TBC1D4: variants seen among roughly 807,000 people sequenced by gnomAD.
TBC1D4 encodes the protein TBC (Tre-2, BUB2, CDC16) domain-containing protein.
A neutral mutation model predicts 142.5 loss-of-function variants in TBC1D4; 121 were observed. The observed-to-expected ratio is 0.85, with a 90% confidence interval of 0.73 to 0.99. TBC1D4 has a LOEUF of 0.99. TBC1D4 is among the 50% of genes least tolerant of loss of function. TBC1D4 has a pLI of 0.00. For missense variants in TBC1D4, 1,475 were observed against 1,606.6 expected (o/e 0.92, Z 1.40); for synonymous variants, 630 against 628.2 (o/e 1.00, Z -0.04).
intron 1 of TBC1D4, among the ~76,000 whole-genome samples, chr13:75,396,196 C>A (rs886850943): frequency 6.6e-6 from 1 of 152,212 alleles, no homozygotes. Flanking sequence ...ATCAGTCGGC[C>A]TCCCAGACAG....
intron 1 of TBC1D4, among the ~76,000 whole-genome samples, chr13:75,376,245 G>C (rs925806352): frequency 6.6e-5 from 10 of 152,136 alleles, no homozygotes; most frequent in African/African-American, 2.4e-4. Context: ...TTCAAAGACT[G>C]TCACAGGACT....
At chr13:75,479,049 G>A (rs747564998) in intron 1 of TBC1D4, among the ~76,000 whole-genome samples, 6 of 152,266 alleles carry the variant, frequency 3.9e-5, no homozygotes, top group Admixed American at 6.5e-5. Context: ...CTCTAGCAAC[G>A]CTAGACTTGC....
At chr13:75,370,705 T>C (rs950375712) in intron 1 of TBC1D4, among the ~76,000 whole-genome samples, 1 of 152,232 alleles carries the variant, frequency 6.6e-6, no homozygotes, top group East Asian at 1.9e-4. Flanking sequence ...TTTGGACACA[T>C]TAATTTTGAG....
chr13:75,362,727 GAC>G lies in TBC1D4; in HGVS notation c.499-122_499-121del. ...ATCCTAAATAATATACAAAGTAATA[GAC>G]ACTACACGAGACAGAGCATACACTT... On this transcript the variant is annotated intron_variant, in intron 1 of 20. Coordinates refer to ENST00000377636, the MANE Select transcript of TBC1D4 (RefSeq NM_014832.5). This position sits in a 1 kb window ranked among gnomAD's most constrained non-coding sequence, Gnocchi z 4.2. The G allele has an allele frequency of 9.8e-7, 1 of 1,022,814 alleles. No individual in the cohort carries two copies. The highest frequency in any genetic ancestry group is 1.5e-6 in the Non-Finnish European group (1 of 684,632). The allele number at this position is 1,022,814 out of a possible 1,614,324, so 63.4% of individuals were successfully genotyped here. A position where few individuals can be genotyped will look rare whatever the true frequency, so the allele number is the denominator to read the frequency against.
Position 75,306,482 on chromosome 13 carries a change from A to G in TBC1D4, c.2594-11T>C. ...GTTCATCTCTGCTTGCTAAGGAAAA[A>G]AACAATTTACGTAAGACCAATGTGT... On this transcript the variant is annotated splice_polypyrimidine_tract_variant and intron_variant, in intron 14 of 20. Coordinates refer to ENST00000377636, the MANE Select transcript of TBC1D4 (RefSeq NM_014832.5). 1.2e-6 allele frequency: 2 copies of G among 1,612,644 alleles called. No individual in the cohort carries two copies. Among genetic ancestry groups the G allele is most frequent in the East Asian group, 2.2e-5 (1 of 44,758 alleles).
At position 75,447,324 on chromosome 13, in the gene TBC1D4, C is replaced by T. The variant is rs193165007; in HGVS notation, c.498+33946G>A. ...TTTGCAGTGCAACTAGCAGTTTATGCGAGTTCCAGTTTCATTACATACTTG... is the reference window on the plus strand; with the variant it reads ...TTTGCAGTGCAACTAGCAGTTTATGTGAGTTCCAGTTTCATTACATACTTG... On this transcript the variant is annotated intron_variant, in intron 1 of 20. Coordinates refer to ENST00000377636, the MANE Select transcript of TBC1D4 (RefSeq NM_014832.5). 7.9e-5 allele frequency among the ~76,000 whole-genome samples: 12 copies of T among 152,188 alleles called. No homozygotes were observed. The East Asian group carries it at 1.4e-3, about 17-fold the overall frequency.
Position 75,481,821 on chromosome 13 carries a change from C to CA in TBC1D4, c.-55dup, listed in dbSNP as rs1888904161. The CA allele has an allele frequency of 3.5e-6, 5 of 1,429,822 alleles. No individual in the cohort carries two copies. The highest frequency in any genetic ancestry group is 4.5e-6 in the Non-Finnish European group (5 of 1,101,168). The allele number at this position is 1,429,822 out of a possible 1,614,324, so 88.6% of individuals were successfully genotyped here. On this transcript the variant is annotated 5_prime_UTR_variant, in exon 1 of 21. Transcript: ENST00000377636. ...GGCCGGCCGGGCGCACCGCGCCCCCCACTCCCGCGCAGAAGGCGCCGCCGA... is the reference window on the plus strand; with the variant it reads ...GGCCGGCCGGGCGCACCGCGCCCCCCAACTCCCGCGCAGAAGGCGCCGCCGA...
At chr13:75,289,716 G>A (rs1392951314) in intron 19 of TBC1D4, among the ~76,000 whole-genome samples, 5 of 152,112 alleles carry the variant, frequency 3.3e-5, no homozygotes, top group African/African-American at 4.8e-5. Flanking sequence ...TGCACACTGT[G>A]AGCACTGTCC....
chr13:75,446,085 A>G (rs898708481), intron 1 of TBC1D4, among the ~76,000 whole-genome samples: 3 of 152,232 alleles, frequency 2.0e-5, no homozygotes, highest in Non-Finnish European at 4.4e-5. Context: ...ATACTGGAAC[A>G]TAAGTAGTAG....
intron 4 of TBC1D4, among the ~76,000 whole-genome samples, chr13:75,351,399 T>C (rs1357438089): frequency 3.3e-5 from 5 of 152,046 alleles, no homozygotes; most frequent in East Asian, 3.9e-4. Context: ...TATATACTTA[T>C]TGTAAAAATC....
rs923837098 is a variant in TBC1D4, at chr13:75,284,084, C to G, written c.*2708G>C. ...AGTAGCTGAGATTACAGATGCACAC[C>G]ACCACGCCTGGCTAATTTTTGTATT... On this transcript the variant is annotated 3_prime_UTR_variant, in exon 21 of 21. Coordinates refer to ENST00000377636, the MANE Select transcript of TBC1D4 (RefSeq NM_014832.5). 1.3e-5 allele frequency among the ~76,000 whole-genome samples: 2 copies of G among 151,964 alleles called. No individual in the cohort carries two copies. The highest frequency in any genetic ancestry group is 6.6e-5 in the Admixed American group (1 of 15,236).
intron 4 of TBC1D4, among the ~76,000 whole-genome samples, chr13:75,354,356 C>T (rs577959815): frequency 2.0e-5 from 3 of 152,068 alleles, no homozygotes; most frequent in Non-Finnish European, 2.9e-5. Flanking sequence ...AGTGGCAGGA[C>T]GACTAGTTAG....
At chr13:75,411,455 A>G (rs1472311805) in intron 1 of TBC1D4, among the ~76,000 whole-genome samples, 1 of 152,184 alleles carries the variant, frequency 6.6e-6, no homozygotes, top group African/African-American at 2.4e-5. Flanking sequence ...TTCAAAAAAT[A>G]ATACTGAAAT....
In TBC1D4 at chr13:75,356,217, C is replaced by A. The variant is rs1172991301; in HGVS notation, c.1205G>T (p.Cys402Phe). Residue 402 changes from cysteine (C) to phenylalanine (F), a missense_variant, in exon 4 of 21, where the codon TGC becomes TTC. Cys to Phe is a radical substitution (Grantham distance 205). Around this residue, in one of 2 missense-constraint regions of TBC1D4, gnomAD observed 1,227 missense variants for 1,267.7 expected, o/e 0.97. Coordinates refer to ENST00000377636, the MANE Select transcript of TBC1D4 (RefSeq NM_014832.5). Reference sequence around the variant, plus strand: ...AAGTCCAGGCTCTGGAGACTCCCGGCAGATAAAGCCAAAGTGATCCACATG... The same window carrying A: ...AAGTCCAGGCTCTGGAGACTCCCGGAAGATAAAGCCAAAGTGATCCACATG... The part of the protein sequence containing the change: ...IKHVDHFGFI[C>F]RESPEPGLSQ... 3 of 1,613,678 alleles carry A rather than the reference C, an allele frequency of 1.9e-6. No homozygotes were observed. The highest frequency in any genetic ancestry group is 2.5e-6 in the Non-Finnish European group (3 of 1,179,756).
chr13:75,424,304 A>AG (rs1429847933), intron 1 of TBC1D4, among the ~76,000 whole-genome samples: 6 of 1,300 alleles, frequency 4.6e-3, no homozygotes, highest in African/African-American at 5.2e-3. Context: ...AAGAAAAGAA[A>AG]AAAAGAAAAA....
intron 1 of TBC1D4, among the ~76,000 whole-genome samples, chr13:75,383,281 C>A (rs537978838): frequency 2.4e-4 from 36 of 152,256 alleles, no homozygotes; most frequent in Non-Finnish European, 4.6e-4. Flanking sequence ...TGAGATTGCG[C>A]CACTACACTC....
chr13:75,423,489 T>C (rs1027064544), intron 1 of TBC1D4, among the ~76,000 whole-genome samples: 3 of 152,104 alleles, frequency 2.0e-5, no homozygotes, highest in Admixed American at 2.0e-4. Flanking sequence ...GAGTTTTCCC[T>C]TAAAACTGGG....
Position 75,284,060 on chromosome 13 carries a change from G to A in TBC1D4, c.*2732C>T, listed in dbSNP as rs774466578. Reference sequence around the variant, plus strand: ...ATATATGCCTCTCCTACTCTCCTGAGTAGCTGAGATTACAGATGCACACCA... The same window carrying A: ...ATATATGCCTCTCCTACTCTCCTGAATAGCTGAGATTACAGATGCACACCA... On this transcript the variant is annotated 3_prime_UTR_variant, in exon 21 of 21. Transcript: ENST00000377636. Among the ~76,000 whole-genome samples the A allele has an allele frequency of 6.6e-6, 1 of 152,020 alleles. No individual in the cohort carries two copies. The highest frequency in any genetic ancestry group is 1.5e-5 in the Non-Finnish European group (1 of 68,022).
At chr13:75,294,128 T>A (rs1270353226) in intron 18 of TBC1D4, among the ~76,000 whole-genome samples, 3 of 152,228 alleles carry the variant, frequency 2.0e-5, no homozygotes, top group Non-Finnish European at 2.9e-5. Flanking sequence ...AATTTTTGCT[T>A]TTTAAATAAC....
Sources: gnomAD v4.1 joint callset for allele counts (sites outside exome capture counted in the v4.1 genomes callset) on GRCh38, gnomAD v4.1.1 for gene constraint, gnomAD v4.1.1 regional missense constraint, Gnocchi (gnomAD v3.1) non-coding constraint, MANE v1.5 for transcripts, NCBI Gene and HGNC (gene_info 2026-07-23, HGNC 2026-07-21) for gene names.